AAMDC: variants seen among roughly 807,000 people sequenced by gnomAD.
The protein encoded by AAMDC is adipogenesis associated Mth938 domain containing.
Under a neutral mutation model 15.5 loss-of-function variants are expected in AAMDC, and 16 were observed. The ratio of observed to expected loss-of-function variants is 1.03; its 90% confidence interval spans 0.70 to 1.57. The LOEUF (loss-of-function observed/expected upper bound fraction) is 1.57, where lower values mean the gene tolerates loss of function less well. Ranked by LOEUF, AAMDC falls within the 40% of genes most tolerant of loss-of-function variation. AAMDC has a pLI of 0.00. For synonymous variants in AAMDC, 51 were observed against 51.6 expected (o/e 0.99, Z 0.05); for missense variants, 141 against 144.9 (o/e 0.97, Z 0.14).
intron 5 of AAMDC, among the ~76,000 whole-genome samples, chr11:77,878,133 T>G (rs909491999): frequency 6.6e-6 from 1 of 152,040 alleles, no homozygotes; most frequent in African/African-American, 2.4e-5. Flanking sequence ...GAGGCCAAGG[T>G]GGGCAGATCA....
At chr11:77,855,868 G>C (rs1357392452) in intron 2 of AAMDC, among the ~76,000 whole-genome samples, 1 of 152,026 alleles carries the variant, frequency 6.6e-6, no homozygotes, top group Non-Finnish European at 1.5e-5. Context: ...GGGAGGCCAA[G>C]GTTATGAGGT....
rs146747352 is a variant in AAMDC at position 77,872,267 on chromosome 11, G to C, written c.321G>C (p.Leu107Phe). ...TEQAVKEYNA[L>F]VAQGVRVGGV... is the part of the protein sequence containing the mutation. ...AGGCAGTGAAGGAGTATAATGCCTT[G>C]GTTGCCCAAGGGGTCAGGGTGGGAG... is the stretch of plus-strand genomic sequence containing the variant. The change falls in exon 4 of 4, where the codon TTG becomes TTC. Residue 107 changes from leucine (L) to phenylalanine (F), a missense_variant. Leu to Phe is a conservative substitution (Grantham distance 22). Transcript: ENST00000393427. 3 of 1,613,556 alleles carry C rather than the reference G, an allele frequency of 1.9e-6. No individual in the cohort carries two copies. Among genetic ancestry groups the C allele is most frequent in the South Asian group, 1.1e-5 (1 of 90,992 alleles).
intron 5 of AAMDC, chr11:77,883,724 G>T: frequency 8.5e-7 from 1 of 1,182,844 alleles, no homozygotes. Flanking sequence ...TTCTTACAAG[G>T]CCTGATTCAT....
chr11:77,828,137 T>C (rs527396835), intron 1 of AAMDC, among the ~76,000 whole-genome samples: 1 of 152,036 alleles, frequency 6.6e-6, no homozygotes, highest in South Asian at 2.1e-4. Context: ...TAGCTGGGCA[T>C]GGTGATGCGC....
intron 1 of AAMDC, among the ~76,000 whole-genome samples, chr11:77,840,657 C>A (rs1197354252): frequency 6.6e-6 from 1 of 152,216 alleles, no homozygotes; most frequent in Non-Finnish European, 1.5e-5. Context: ...GAAATTCCCA[C>A]CTTGGCCTCC....
chr11:77,825,700 T>G (rs181410845), intron 1 of AAMDC, among the ~76,000 whole-genome samples: 4 of 149,688 alleles, frequency 2.7e-5, no homozygotes, highest in African/African-American at 4.9e-5. Context: ...TTTTTTTTGT[T>G]TTTTTTTTTT....
At position 77,892,819 on chromosome 11, in the gene AAMDC, G is replaced by A. The variant is rs563372638; in HGVS notation, c.329-7752G>A. 2.8e-4 allele frequency among the ~76,000 whole-genome samples: 42 copies of A among 152,200 alleles called. No individual in the cohort carries two copies. In the East Asian group the frequency reaches 7.5e-3, roughly 27 times the overall value. ...AGGCTGGTCTCGAACTCCTGACCTC[G>A]TGATCCACCCGCCTCAGCCTCCCAA... On this transcript the variant is annotated intron_variant, in intron 5 of 5. Transcript: ENST00000304716.
At chr11:77,859,392 A>G (rs147766641) in intron 2 of AAMDC, among the ~76,000 whole-genome samples, 3,092 of 152,290 alleles carry the variant, frequency 0.02, 94 homozygotes, top group African/African-American at 0.07. Flanking sequence ...TACAGCCAAT[A>G]ATAATTTCCT....
intron 1 of AAMDC, chr11:77,831,888 T>TTA (rs1377141310): frequency 6.6e-6 from 1 of 150,964 alleles, no homozygotes; most frequent in Non-Finnish European, 1.4e-5. Context: ...TTTTTTTTTT[T>TTA]TAGTAGAGAT....
At chr11:77,853,897 C>A (rs1950500197) in intron 2 of AAMDC, among the ~76,000 whole-genome samples, 1 of 151,774 alleles carries the variant, frequency 6.6e-6, no homozygotes, top group African/African-American at 2.4e-5. Flanking sequence ...GCTGAGATTG[C>A]ACCACTGTAC....
At chr11:77,823,621 C>CAAAA (rs397970373) in intron 1 of AAMDC, among the ~76,000 whole-genome samples, 44 of 97,506 alleles carry the variant, frequency 4.5e-4, no homozygotes, top group African/African-American at 5.3e-4. Context: ...CACCCTGTCT[C>CAAAA]AAAAAAAAAA....
intron 2 of AAMDC, among the ~76,000 whole-genome samples, chr11:77,843,780 A>G (rs1950029718): frequency 6.6e-6 from 1 of 152,172 alleles, no homozygotes. Context: ...CTGCCGATAA[A>G]GACATAACTG....
downstream of AAMDC, chr11:77,903,585 A>G: frequency 6.2e-7 from 1 of 1,613,906 alleles, no homozygotes; most frequent in Non-Finnish European, 8.5e-7. Flanking sequence ...TCAAATACAA[A>G]GGGGCAGCTA....
downstream of AAMDC, chr11:77,903,648 A>C: frequency 1.3e-6 from 2 of 1,578,206 alleles, no homozygotes; most frequent in Non-Finnish European, 1.7e-6. Flanking sequence ...GAGGGAACAG[A>C]ATACCGAGGT....
At chr11:77,884,536 C>T (rs1031592254) in intron 5 of AAMDC, among the ~76,000 whole-genome samples, 7 of 152,150 alleles carry the variant, frequency 4.6e-5, no homozygotes, top group Middle Eastern at 3.2e-3. Flanking sequence ...TATACTGCAG[C>T]GCACAAAGGA....
chr11:77,900,609 A>G (rs1159305049), exon 6 of AAMDC: 4 of 700,194 alleles, frequency 5.7e-6, no homozygotes, highest in Non-Finnish European at 7.8e-6. Flanking sequence ...TGAGCTGGCA[A>G]TGAGTCACCT....
chr11:77,877,057 C>G (rs1317262500), downstream of AAMDC: 1 of 702,750 alleles, frequency 1.4e-6, no homozygotes, highest in East Asian at 2.7e-5. Context: ...CAGGTAAGCA[C>G]ACTAGAAAAG....
intron 1 of AAMDC, among the ~76,000 whole-genome samples, chr11:77,835,922 A>C (rs79097631): frequency 7.2e-5 from 11 of 152,064 alleles, no homozygotes; most frequent in Non-Finnish European, 1.5e-4. Flanking sequence ...AAGAAAAAAA[A>C]AATAATAATA....
intron 5 of AAMDC, among the ~76,000 whole-genome samples, chr11:77,888,085 T>C (rs1442526976): frequency 1.3e-5 from 2 of 152,292 alleles, no homozygotes; most frequent in African/African-American, 4.8e-5. Flanking sequence ...TTAAAGTTCA[T>C]ATGGAACCAA....
Sources: allele counts gnomAD v4.1 joint callset (sites outside exome capture counted in the v4.1 genomes callset), GRCh38; gene constraint gnomAD v4.1.1; transcripts MANE v1.5; gene names NCBI Gene and HGNC (gene_info 2026-07-23, HGNC 2026-07-21).